The following SDCCAG8 variants were observed in gnomAD, a reference collection of about 807,000 sequenced individuals.
SDCCAG8 encodes the protein SHH signaling and ciliogenesis regulator SDCCAG8.
In SDCCAG8, 74 loss-of-function variants were observed where a neutral mutation model predicts 101.8. The observed-to-expected ratio is 0.73, with a 90% confidence interval of 0.60 to 0.88. The LOEUF (loss-of-function observed/expected upper bound fraction) is 0.88. Ranked by LOEUF, SDCCAG8 falls within the 40% of genes least tolerant of loss-of-function variation. SDCCAG8 has a pLI of 0.00. For missense variants in SDCCAG8, 787 were observed against 822.6 expected, an observed-to-expected ratio of 0.96 and a Z score of 0.53; for synonymous variants, 281 against 292.9, an observed-to-expected ratio of 0.96 and a Z score of 0.41.
At chr1:243,421,300 A>T (rs938467032) in intron 15 of SDCCAG8, among the ~76,000 whole-genome samples, 6 of 152,206 alleles carry the variant, frequency 3.9e-5, no homozygotes, top group Admixed American at 3.9e-4. Context: ...AAACTCACAG[A>T]TCTAGTCATT....
At chr1:243,260,378 G>A (rs554755886) in intron 1 of SDCCAG8, among the ~76,000 whole-genome samples, 2 of 152,154 alleles carry the variant, frequency 1.3e-5, no homozygotes, top group Admixed American at 6.6e-5. Flanking sequence ...CAGAATGGCC[G>A]AGAACTACAT....
intron 6 of SDCCAG8, among the ~76,000 whole-genome samples, chr1:243,294,476 G>C (rs979031226): frequency 3.0e-5 from 1 of 33,548 alleles, no homozygotes; most frequent in Admixed American, 4.9e-4. Context: ...CAAAAGGTGG[G>C]GGGGGGGAGA....
rs114370158 is a variant in SDCCAG8, at chr1:243,410,575, A to G, written c.1617-5127A>G. 6.5e-3 allele frequency among the ~76,000 whole-genome samples: 991 copies of G among 152,288 alleles called. 13 individuals carry two copies. Among genetic ancestry groups the G allele is most frequent in the African/African-American group, 0.022 (911 of 41,552 alleles). ...AGACATCAGTAAAAAGGTGAGTAGG[A>G]ACATGGAAGGTGGGATTGGTGCTTC... On this transcript the variant is annotated intron_variant, in intron 13 of 17. Transcript: ENST00000366541.
At chr1:243,354,501 C>T (rs182722221) in intron 12 of SDCCAG8, among the ~76,000 whole-genome samples, 2 of 152,082 alleles carry the variant, frequency 1.3e-5, no homozygotes, top group African/African-American at 4.8e-5. Flanking sequence ...GGATTAAAGC[C>T]CCACTCTGAA....
intron 16 of SDCCAG8, among the ~76,000 whole-genome samples, chr1:243,479,067 C>G (rs1000117962): frequency 6.6e-6 from 1 of 151,940 alleles, no homozygotes; most frequent in Non-Finnish European, 1.5e-5. Flanking sequence ...GATAGGACCT[C>G]GTTCACGAGA....
chr1:243,368,785 T>G (rs2147875007), intron 12 of SDCCAG8, among the ~76,000 whole-genome samples: 1 of 152,116 alleles, frequency 6.6e-6, no homozygotes, highest in Admixed American at 6.6e-5. Context: ...CCCTTGATAT[T>G]TGTAGGGACA....
chr1:243,495,286 T>A (rs561126230), intron 17 of SDCCAG8, among the ~76,000 whole-genome samples: 3 of 152,312 alleles, frequency 2.0e-5, no homozygotes, highest in African/African-American at 7.2e-5. Context: ...CGAGATGCTG[T>A]CTTACGGAAC....
chr1:243,367,215 CTTT>C (rs1318180925), intron 12 of SDCCAG8, among the ~76,000 whole-genome samples: 1 of 151,948 alleles, frequency 6.6e-6, no homozygotes, highest in Non-Finnish European at 1.5e-5. Flanking sequence ...TATCTACCAG[CTTT>C]TATACTTTTT....
chr1:243,497,436 A>G (rs1404893356), intron 17 of SDCCAG8, among the ~76,000 whole-genome samples: 1 of 151,816 alleles, frequency 6.6e-6, no homozygotes, highest in Non-Finnish European at 1.5e-5. Context: ...TACAAAGCCC[A>G]TAGAGATGGC....
intron 13 of SDCCAG8, among the ~76,000 whole-genome samples, chr1:243,391,773 T>C (rs552054904): frequency 6.6e-6 from 1 of 152,302 alleles, no homozygotes; most frequent in African/African-American, 2.4e-5. Flanking sequence ...ATTAGAACCA[T>C]ATGAACAAAA....
At position 243,341,132 on chromosome 1, in the gene SDCCAG8, A is replaced by G. The variant is rs1386762638; in HGVS notation, c.1315A>G (p.Ile439Val). 1.2e-6 allele frequency: 2 copies of G among 1,614,184 alleles called. No homozygotes were observed. The highest frequency in any genetic ancestry group is 2.2e-5 in the South Asian group (2 of 91,090). Reference sequence around the variant, plus strand: ...TTCAGCTATTAATCAACTGGAGGAAATTCAAAGCCAGCTGGCTTCTCGGGA... The same window carrying G: ...TTCAGCTATTAATCAACTGGAGGAAGTTCAAAGCCAGCTGGCTTCTCGGGA... Reference protein sequence around the residue: ...KISAINQLEEIQSQLASREMD... With the variant: ...KISAINQLEEVQSQLASREMD... The change falls in exon 11 of 18, where the codon ATT (isoleucine) becomes GTT (valine). Residue 439 changes from isoleucine to valine, a missense_variant. Coordinates refer to ENST00000366541, the MANE Select transcript of SDCCAG8 (RefSeq NM_006642.5).
intron 16 of SDCCAG8, among the ~76,000 whole-genome samples, chr1:243,439,637 C>CACACACACACAG: frequency 6.7e-6 from 1 of 149,864 alleles, no homozygotes; most frequent in East Asian, 2.0e-4. Flanking sequence ...CACACACACA[C>CACACACACACAG]ACACACACAC....
rs376480112 is a variant in SDCCAG8 at position 243,427,687 on chromosome 1, T to C, written c.1985+1129T>C. On this transcript the variant is annotated intron_variant, in intron 16 of 17. Coordinates refer to ENST00000366541, the MANE Select transcript of SDCCAG8 (RefSeq NM_006642.5). ...GTAAAGTAAGCATATTAGCCTGGGG[T>C]GGGGGGGAGGTATTTTTACGTTGAT... is the stretch of plus-strand genomic sequence containing the variant. Among the ~76,000 whole-genome samples, 142 of 151,556 alleles carry C rather than the reference T, an allele frequency of 9.4e-4. 1 individual carries two copies. Among genetic ancestry groups the C allele is most frequent in the African/African-American group, 3.3e-3 (135 of 41,264 alleles).
chr1:243,313,247 A>C (rs1323687916), intron 8 of SDCCAG8, among the ~76,000 whole-genome samples: 1 of 152,216 alleles, frequency 6.6e-6, no homozygotes, highest in Non-Finnish European at 1.5e-5. Flanking sequence ...AAAACGGTGT[A>C]GTAACACTTA....
intron 1 of SDCCAG8, among the ~76,000 whole-genome samples, chr1:243,257,531 T>C (rs1387508493): frequency 2.0e-5 from 3 of 152,178 alleles, no homozygotes; most frequent in Non-Finnish European, 2.9e-5. Flanking sequence ...GATCAGTGCT[T>C]ACTAGACAAG....
chr1:243,472,014 G>A lies in SDCCAG8; in HGVS notation c.1986-17000G>A, dbSNP rs140194751. Reference sequence around the variant, plus strand: ...ATTCTTATTTTGGGAGGCTGGAGGCGGGAGAAGCAGTGAGACCTCACAACT... The same window carrying A: ...ATTCTTATTTTGGGAGGCTGGAGGCAGGAGAAGCAGTGAGACCTCACAACT... On this transcript the variant is annotated intron_variant, in intron 16 of 17. Transcript: ENST00000366541. 3.5e-3 allele frequency among the ~76,000 whole-genome samples: 526 copies of A among 152,300 alleles called. 1 individual carries two copies. The highest frequency in any genetic ancestry group is 5.7e-3 in the Non-Finnish European group (386 of 68,026).
chr1:243,256,920 A>G (rs1572774299), intron 1 of SDCCAG8, among the ~76,000 whole-genome samples: 1 of 152,338 alleles, frequency 6.6e-6, no homozygotes, highest in South Asian at 2.1e-4. Flanking sequence ...TTTTCTTACC[A>G]CATTACCATA....
intron 10 of SDCCAG8, among the ~76,000 whole-genome samples, chr1:243,334,697 C>T (rs1293390882): frequency 1.3e-5 from 2 of 152,096 alleles, no homozygotes. Context: ...CTCAGGTAAT[C>T]CTCCCACCTC....
intron 16 of SDCCAG8, among the ~76,000 whole-genome samples, chr1:243,467,386 A>G (rs1443236282): frequency 6.6e-6 from 1 of 152,236 alleles, no homozygotes; most frequent in Non-Finnish European, 1.5e-5. Context: ...TAAAGGAGAC[A>G]CCAGTGAGGG....
Sources: gnomAD v4.1 joint callset for allele counts (sites outside exome capture counted in the v4.1 genomes callset) on GRCh38, gnomAD v4.1.1 for gene constraint, MANE v1.5 for transcripts, NCBI Gene and HGNC (gene_info 2026-07-23, HGNC 2026-07-21) for gene names.